PLPPR5: variants seen among roughly 807,000 people sequenced by gnomAD.
PLPPR5 encodes phospholipid phosphatase related 5.
In PLPPR5, 16 loss-of-function variants were observed where a neutral mutation model predicts 33.9. The ratio of observed to expected loss-of-function variants is 0.47; its 90% CI spans 0.32 to 0.72. PLPPR5 has a LOEUF of 0.72. Among genes scored for constraint, PLPPR5 ranks in the 30% least tolerant of loss-of-function variants. PLPPR5 has a pLI of 0.03. For synonymous variants in PLPPR5, 163 were observed against 150.3 expected (o/e 1.08, Z -0.62); for missense variants, 301 against 406.7 (o/e 0.74, Z 2.23).
intron 1 of PLPPR5, among the ~76,000 whole-genome samples, chr1:98,995,705 G>A (rs1652608476): frequency 6.6e-6 from 1 of 152,056 alleles, no homozygotes; most frequent in Non-Finnish European, 1.5e-5. Context: ...AGGATTTCAT[G>A]AACTAAAAAC....
intron 1 of PLPPR5, among the ~76,000 whole-genome samples, chr1:98,984,039 G>C (rs1209494712): frequency 6.6e-6 from 1 of 151,156 alleles, no homozygotes; most frequent in African/African-American, 2.4e-5. Context: ...TCAGGTTCCT[G>C]AGTCAGACAG....
At chr1:98,895,711 C>G (rs529914648) in intron 5 of PLPPR5, among the ~76,000 whole-genome samples, 5 of 152,046 alleles carry the variant, frequency 3.3e-5, no homozygotes, top group Non-Finnish European at 7.4e-5. Flanking sequence ...AAATTAGCAT[C>G]TTTCCATTTC....
At chr1:98,941,895 C>T (rs1462982867) in intron 3 of PLPPR5, among the ~76,000 whole-genome samples, 2 of 151,428 alleles carry the variant, frequency 1.3e-5, no homozygotes, top group Non-Finnish European at 2.9e-5. Context: ...TCTTGTAATA[C>T]AACAGAAGAA....
At chr1:98,998,681 G>A (rs1216114442) in intron 1 of PLPPR5, among the ~76,000 whole-genome samples, 2 of 152,090 alleles carry the variant, frequency 1.3e-5, no homozygotes, top group Non-Finnish European at 2.9e-5. Flanking sequence ...CACAGCCTTT[G>A]GTGATTCTGC....
intron 3 of PLPPR5, among the ~76,000 whole-genome samples, chr1:98,949,474 T>A (rs982359112): frequency 6.6e-6 from 1 of 152,294 alleles, no homozygotes; most frequent in Admixed American, 6.5e-5. Context: ...TTGATTTTTA[T>A]TTATGCATTT....
chr1:99,000,463 C>A (rs1038383227), intron 1 of PLPPR5, among the ~76,000 whole-genome samples: 3 of 152,174 alleles, frequency 2.0e-5, no homozygotes, highest in East Asian at 1.9e-4. Flanking sequence ...GTGACCCCAG[C>A]CTTCACCTTC....
chr1:98,952,840 T>G (rs2101211938), intron 3 of PLPPR5, among the ~76,000 whole-genome samples: 1 of 152,316 alleles, frequency 6.6e-6, no homozygotes, highest in Non-Finnish European at 1.5e-5. Context: ...GAAATGCTAA[T>G]GGCTACATTT....
chr1:98,990,715 G>A (rs1215712548), intron 1 of PLPPR5: 3 of 151,646 alleles, frequency 2.0e-5, no homozygotes, highest in Non-Finnish European at 4.4e-5. Flanking sequence ...CTTGAGTTTT[G>A]GAAAAATAAT....
At chr1:98,991,290 A>G in intron 1 of PLPPR5, 1 of 151,784 alleles carries the variant, frequency 6.6e-6, no homozygotes, top group East Asian at 1.9e-4. Flanking sequence ...AAAAAAAAAA[A>G]AGATGAATCT....
chr1:98,893,046 G>A lies in PLPPR5; in HGVS notation c.*26C>T. ...ATGGTAAAAAGGGATGATGTCCAATGCAGTGAAAAACCATCTGCTTCGATA... is the reference window on the plus strand; with the variant it reads ...ATGGTAAAAAGGGATGATGTCCAATACAGTGAAAAACCATCTGCTTCGATA... On this transcript the variant is annotated 3_prime_UTR_variant, in exon 6 of 6. Transcript: ENST00000263177. The A allele has an allele frequency of 6.2e-7, 1 of 1,608,594 alleles. No homozygotes were observed. Among genetic ancestry groups the A allele is most frequent in the Non-Finnish European group, 8.5e-7 (1 of 1,176,254 alleles).
At chr1:99,000,092 A>C (rs1168959223) in intron 1 of PLPPR5, among the ~76,000 whole-genome samples, 1 of 152,182 alleles carries the variant, frequency 6.6e-6, no homozygotes, top group Non-Finnish European at 1.5e-5. Flanking sequence ...TTCATCAATG[A>C]ACACCAAGGA....
At chr1:98,906,562 T>C (rs751449232) in intron 5 of PLPPR5, among the ~76,000 whole-genome samples, 15 of 152,236 alleles carry the variant, frequency 9.9e-5, no homozygotes, top group Middle Eastern at 3.4e-3. Context: ...TTCTGATTAA[T>C]GAAATTTATA....
At chr1:98,926,799 G>A (rs1649784756) in intron 3 of PLPPR5, among the ~76,000 whole-genome samples, 1 of 152,108 alleles carries the variant, frequency 6.6e-6, no homozygotes, top group Non-Finnish European at 1.5e-5. Flanking sequence ...CACTTTGCCC[G>A]AGATCTGTTT....
chr1:98,995,616 G>T (rs1652605658), intron 1 of PLPPR5, among the ~76,000 whole-genome samples: 1 of 151,944 alleles, frequency 6.6e-6, no homozygotes, highest in South Asian at 2.1e-4. Flanking sequence ...TCCAGCCCTT[G>T]GTTTAAAACA....
chr1:98,923,353 T>G (rs1300735889), intron 3 of PLPPR5, among the ~76,000 whole-genome samples: 1 of 152,212 alleles, frequency 6.6e-6, no homozygotes, highest in Non-Finnish European at 1.5e-5. Flanking sequence ...TATCTGGTAT[T>G]GATAATATAC....
chr1:98,930,845 C>T (rs757283679), intron 3 of PLPPR5, among the ~76,000 whole-genome samples: 4 of 152,088 alleles, frequency 2.6e-5, no homozygotes, highest in Non-Finnish European at 5.9e-5. Context: ...AATTTTCATT[C>T]AACCAAAAGC....
intron 1 of PLPPR5, among the ~76,000 whole-genome samples, chr1:98,976,368 T>C (rs1467018150): frequency 6.6e-6 from 1 of 152,094 alleles, no homozygotes; most frequent in East Asian, 1.9e-4. Flanking sequence ...AAAAAGGTGA[T>C]GTAAAAATCA....
At chr1:98,920,592 C>CCAAAAAAAAAAAAAAAAAAAAAAAAAA (rs1649511862) in intron 4 of PLPPR5, among the ~76,000 whole-genome samples, 1 of 13,658 alleles carries the variant, frequency 7.3e-5, no homozygotes, top group Non-Finnish European at 2.2e-4. Flanking sequence ...AGTGGTATCA[C>CCAAAAAAAAAAAAAAAAAAAAAAAAAA]CAAAAAAAAA....
At chr1:98,916,289 T>C (rs79681916) in intron 4 of PLPPR5, among the ~76,000 whole-genome samples, 3,616 of 152,268 alleles carry the variant, frequency 0.024, 142 homozygotes, top group African/African-American at 0.082. Context: ...AGATTAGAGA[T>C]ATAGATCAAA....
Sources: gnomAD v4.1 joint callset for allele counts (sites outside exome capture counted in the v4.1 genomes callset) on GRCh38, gnomAD v4.1.1 for gene constraint, MANE v1.5 for transcripts, NCBI Gene and HGNC (gene_info 2026-07-23, HGNC 2026-07-21) for gene names.